The following NRAP variants were observed in gnomAD, a reference collection of about 807,000 sequenced individuals.
The protein encoded by NRAP is nebulin related anchoring protein, also known as nebulin-related-anchoring protein.
A neutral mutation model predicts 225.9 loss-of-function variants in NRAP; 189 were observed. The ratio of observed to expected loss-of-function variants is 0.84; its 90% CI spans 0.74 to 0.94. The LOEUF is 0.94. Ranked by LOEUF, NRAP falls within the 40% of genes least tolerant of loss-of-function variation. The pLI is 0.00. For missense variants in NRAP, 2,176 were observed against 2,168.7 expected, an observed-to-expected ratio of 1.00 and a Z score of -0.07; for synonymous variants, 769 against 790.7, an observed-to-expected ratio of 0.97 and a Z score of 0.46.
chr10:113,605,561 G>A (rs1846907806), intron 34 of NRAP, among the ~76,000 whole-genome samples: 1 of 152,188 alleles, frequency 6.6e-6, no homozygotes, highest in African/African-American at 2.4e-5. Context: ...AGAGACCTTT[G>A]CCTGAATTTA....
chr10:113,620,278 T>C (rs1189901938), intron 25 of NRAP, among the ~76,000 whole-genome samples: 2 of 152,192 alleles, frequency 1.3e-5, no homozygotes, highest in South Asian at 2.1e-4. Flanking sequence ...AAAGAGCTTT[T>C]TGGGTGCCAT....
At chr10:113,613,098 A>G (rs2133938460) in intron 29 of NRAP, among the ~76,000 whole-genome samples, 1 of 152,184 alleles carries the variant, frequency 6.6e-6, no homozygotes, top group African/African-American at 2.4e-5. Flanking sequence ...CCTCTTCCTC[A>G]TCCTCCTTTG....
chr10:113,600,905 C>T (rs891084409), intron 35 of NRAP, among the ~76,000 whole-genome samples: 1 of 152,178 alleles, frequency 6.6e-6, no homozygotes, highest in African/African-American at 2.4e-5. Flanking sequence ...TTAGTTAGTG[C>T]TGTTGTTGTT....
chr10:113,612,464 T>C, intron 29 of NRAP, 33 bp from the exon 30 acceptor site: 1 of 1,576,816 alleles, frequency 6.3e-7, no homozygotes, highest in Non-Finnish European at 8.7e-7. Context: ...AGCAGCTATT[T>C]CAAAGCCACT....
chr10:113,624,772 T>G, intron 22 of NRAP, 54 bp downstream of exon 22: 1 of 1,267,700 alleles, frequency 7.9e-7, no homozygotes, highest in Non-Finnish European at 1.1e-6. Context: ...GTTTACCAGG[T>G]GGCTATACAC....
intron 38 of NRAP, among the ~76,000 whole-genome samples, chr10:113,595,396 A>G (rs960760565): frequency 7.3e-6 from 1 of 137,110 alleles, no homozygotes; most frequent in Admixed American, 7.8e-5. Flanking sequence ...GCTGGAAAGA[A>G]TCTCAGTTTA....
intron 9 of NRAP, among the ~76,000 whole-genome samples, chr10:113,647,349 A>G (rs1849579359): frequency 6.6e-6 from 1 of 152,038 alleles, no homozygotes; most frequent in Non-Finnish European, 1.5e-5. Context: ...TTTAACTGAC[A>G]ACCAGGGAAG....
intron 18 of NRAP, among the ~76,000 whole-genome samples, chr10:113,630,885 G>T (rs923118735): frequency 4.6e-5 from 7 of 152,142 alleles, no homozygotes; most frequent in South Asian, 2.1e-4. Context: ...GCAATCTTTT[G>T]TGTCTTTTTC....
chr10:113,598,182 A>G (rs1426432500), intron 35 of NRAP, 109 bp from the exon 36 acceptor site: 1 of 744,596 alleles, frequency 1.3e-6, no homozygotes, highest in Non-Finnish European at 2.5e-6. Context: ...CTTCATCACA[A>G]CATTTCAACA....
At chr10:113,589,435 T>G (rs1030901032) in intron 41 of NRAP, 3 of 603,708 alleles carry the variant, frequency 5.0e-6, no homozygotes, top group African/African-American at 3.7e-5. Flanking sequence ...GGTTTGCCTC[T>G]GCAGAACTAA....
In NRAP at chr10:113,631,852, C is replaced by G. The variant is rs371098953; in HGVS notation, c.1740+5G>C. ...GCATTCCTGAGTTAATGAGAGGAAA[C>G]GTACATTGCTAGCAAGCTCCCCAGA... On this transcript the variant is annotated splice_donor_5th_base_variant and intron_variant, in intron 17 of 41. Transcript: ENST00000359988. 1.3e-6 allele frequency: 2 copies of G among 1,575,852 alleles called. No individual in the cohort carries two copies. Among genetic ancestry groups the G allele is most frequent in the Non-Finnish European group, 1.7e-6 (2 of 1,145,498 alleles).
At chr10:113,648,895 T>C (rs941006115) in intron 9 of NRAP, among the ~76,000 whole-genome samples, 25 of 152,238 alleles carry the variant, frequency 1.6e-4, no homozygotes, top group African/African-American at 6.0e-4. Flanking sequence ...TATGAAATGA[T>C]ACATGTGTCT....
intron 32 of NRAP, among the ~76,000 whole-genome samples, chr10:113,606,638 G>A (rs1303241524): frequency 6.6e-6 from 1 of 152,182 alleles, no homozygotes; most frequent in African/African-American, 2.4e-5. Context: ...TTAGGAGAAG[G>A]GAGGTGGAAG....
intron 41 of NRAP, 94 bp downstream of exon 41, chr10:113,589,571 AC>A: frequency 6.9e-7 from 1 of 1,450,710 alleles, no homozygotes; most frequent in South Asian, 1.3e-5. Flanking sequence ...GAGCTAGCTG[AC>A]CTTTGGCCAA....
chr10:113,648,968 A>T (rs533482433), intron 9 of NRAP, among the ~76,000 whole-genome samples: 9 of 152,344 alleles, frequency 5.9e-5, no homozygotes, highest in Non-Finnish European at 1.2e-4. Context: ...CAAATATAGA[A>T]GCCAGATTTT....
At chr10:113,607,441 A>AAAAAAG (rs1847061013) in intron 32 of NRAP, among the ~76,000 whole-genome samples, 1 of 145,124 alleles carries the variant, frequency 6.9e-6, no homozygotes, top group Non-Finnish European at 1.5e-5. Context: ...AAAAAAGAAA[A>AAAAAAG]GAAAGAAAGA....
In NRAP at chr10:113,604,841, T is replaced by G. The variant is rs138809691; in HGVS notation, c.3995A>C (p.Gln1332Pro). ...PQSVRDDPRI[Q>P]HCRRMGQLQS... ...CAGCTGGCCCATGCGCCGGCAGTGC[T>G]GGATCCGGGGGTCGTCTCTTACACT... The change falls in exon 35 of 42, where the codon CAG becomes CCG. Residue 1332 changes from glutamine to proline, a missense_variant. Gln to Pro is a moderately conservative substitution (Grantham distance 76). This residue lies in a region of NRAP where 1,708 missense variants were observed against 1,695.5 expected (regional missense o/e 1.01). Transcript: ENST00000359988. The G allele has an allele frequency of 3.9e-5, 63 of 1,614,088 alleles. 1 individual carries two copies. Among genetic ancestry groups the G allele is most frequent in the Middle Eastern group, 1.6e-4 (1 of 6,084 alleles).
intron 11 of NRAP, among the ~76,000 whole-genome samples, chr10:113,644,069 C>T (rs1037010060): frequency 1.6e-5 from 2 of 126,370 alleles, no homozygotes; most frequent in Non-Finnish European, 3.1e-5. Flanking sequence ...AATCGCTTGA[C>T]GTGGGAGGTG....
chr10:113,640,932 T>C (rs1389679853), intron 13 of NRAP, among the ~76,000 whole-genome samples: 1 of 101,248 alleles, frequency 9.9e-6, no homozygotes, highest in Non-Finnish European at 2.4e-5. Context: ...CAGGCCACAG[T>C]AGGTTTTCAA....
Sources: allele counts gnomAD v4.1 joint callset (sites outside exome capture counted in the v4.1 genomes callset), GRCh38; gene constraint gnomAD v4.1.1; regional missense constraint gnomAD v4.1.1; transcripts MANE v1.5; gene names NCBI Gene and HGNC (gene_info 2026-07-23, HGNC 2026-07-21).